The following MOB4 variants were observed in gnomAD, a reference collection of about 807,000 sequenced individuals.
MOB4 encodes MOB-like protein phocein.
In MOB4, 4 loss-of-function variants were observed where a neutral mutation model predicts 32.2. That is an observed-to-expected ratio of 0.12 (90% CI 0.06 to 0.28). MOB4 has a LOEUF of 0.28. Among genes scored for constraint, MOB4 ranks in the 10% least tolerant of loss-of-function variants. The pLI, the probability that MOB4 is intolerant of heterozygous loss-of-function variation, is 1.00. For missense variants in MOB4, 158 were observed against 271.2 expected (o/e 0.58, Z 2.93); for synonymous variants, 88 against 88.1 (o/e 1.00, Z 0.01).
At chr2:197,533,993 T>C in intron 2 of MOB4, 2 of 508,978 alleles carry the variant, frequency 3.9e-6, no homozygotes, top group South Asian at 3.1e-5. Context: ...ATGGCACACA[T>C]ACTTAATATT....
chr2:197,518,700 T>C (rs575119979), intron 1 of MOB4, among the ~76,000 whole-genome samples: 131 of 152,094 alleles, frequency 8.6e-4, no homozygotes, highest in South Asian at 2.5e-3. Context: ...GTAGCTGGGA[T>C]TGCAGGTGCC....
chr2:197,519,461 C>G (rs1039547220), intron 1 of MOB4, among the ~76,000 whole-genome samples: 3 of 152,100 alleles, frequency 2.0e-5, no homozygotes, highest in Admixed American at 6.6e-5. Context: ...TTGCATATAA[C>G]CTATGCACAT....
At chr2:197,525,359 A>G (rs1399181416) in intron 2 of MOB4, among the ~76,000 whole-genome samples, 1 of 152,036 alleles carries the variant, frequency 6.6e-6, no homozygotes, top group Non-Finnish European at 1.5e-5. Flanking sequence ...AAAAAAAAAA[A>G]AAGTAGACAG....
intron 6 of MOB4, among the ~76,000 whole-genome samples, chr2:197,549,874 A>AAAG (rs1481622635): frequency 1.2e-4 from 18 of 151,798 alleles, no homozygotes; most frequent in African/African-American, 4.1e-4. Context: ...AAAAAAAAAA[A>AAAG]AAAAAGAAAA....
intron 1 of MOB4, among the ~76,000 whole-genome samples, chr2:197,522,323 CTTTTTTTTTTTTTTT>C (rs57163165): frequency 1.5e-5 from 1 of 66,438 alleles, no homozygotes; most frequent in Non-Finnish European, 2.5e-5. Flanking sequence ...GGGTGATTAC[CTTTTTTTTTTTTTTT>C]TTTTTTTTTT....
In MOB4 at chr2:197,530,039, G is replaced by A. The variant is rs1257044305; in HGVS notation, c.124-5491G>A. On this transcript the variant is annotated intron_variant, in intron 2 of 7. Coordinates refer to ENST00000323303, the MANE Select transcript of MOB4 (RefSeq NM_015387.5). ...GGCTGGAGTGCAGTGGCGCGATCTC[G>A]CCTCACTGCAATCCCCACCCCCTGG... Among the ~76,000 whole-genome samples the A allele has an allele frequency of 3.4e-5, 5 of 146,750 alleles. No homozygotes were observed. The East Asian group carries it at 8.2e-4, about 24-fold the overall frequency.
At chr2:197,516,488 G>T (rs1559311597) in intron 1 of MOB4, 6 of 923,500 alleles carry the variant, frequency 6.5e-6, no homozygotes, top group Non-Finnish European at 9.1e-6. Context: ...GGAGGGGCGC[G>T]ACCAGCCTGG....
chr2:197,536,968 G>A (rs1231252046), intron 3 of MOB4, among the ~76,000 whole-genome samples: 1 of 151,608 alleles, frequency 6.6e-6, no homozygotes, highest in Non-Finnish European at 1.5e-5. Flanking sequence ...CTGAAATCCT[G>A]GGCTCAAGTG....
chr2:197,538,891 T>G (rs2086848742), intron 3 of MOB4, among the ~76,000 whole-genome samples: 1 of 152,212 alleles, frequency 6.6e-6, no homozygotes, highest in African/African-American at 2.4e-5. Flanking sequence ...ATTTTTGTAA[T>G]CTAAGGACAG....
chr2:197,535,419 A>C, intron 2 of MOB4, 111 bp from the exon 3 acceptor site: 1 of 974,556 alleles, frequency 1.0e-6, no homozygotes, highest in Middle Eastern at 3.5e-4. Context: ...TTTAGTGTAT[A>C]ACCCAAGTTG....
At chr2:197,539,345 G>A (rs2086857682) in intron 3 of MOB4, among the ~76,000 whole-genome samples, 2 of 139,880 alleles carry the variant, frequency 1.4e-5, no homozygotes, top group Non-Finnish European at 3.0e-5. Flanking sequence ...TTGAGATGGA[G>A]CCTTACTCTG....
intron 3 of MOB4, among the ~76,000 whole-genome samples, chr2:197,537,658 A>G (rs867402977): frequency 6.6e-6 from 1 of 152,242 alleles, no homozygotes; most frequent in East Asian, 1.9e-4. Context: ...TGAATGCACA[A>G]TAATTCAAAG....
intron 5 of MOB4, among the ~76,000 whole-genome samples, chr2:197,545,829 T>A (rs969950253): frequency 6.6e-6 from 1 of 152,156 alleles, no homozygotes; most frequent in Non-Finnish European, 1.5e-5. Context: ...TTTGGGATGC[T>A]GAAATGTTCT....
intron 2 of MOB4, among the ~76,000 whole-genome samples, chr2:197,526,596 G>A: frequency 6.6e-6 from 1 of 152,204 alleles, no homozygotes. Flanking sequence ...GATTACAGGT[G>A]TGAGCCGTCA....
chr2:197,540,195 A>ATT, intron 4 of MOB4, 42 bp downstream of exon 4: 2 of 1,580,702 alleles, frequency 1.3e-6, no homozygotes, highest in South Asian at 1.2e-5. Context: ...GAAAGTTCTG[A>ATT]TTTTTTTTTC....
chr2:197,549,997 T>A (rs1438124309), intron 6 of MOB4, among the ~76,000 whole-genome samples: 2 of 152,154 alleles, frequency 1.3e-5, no homozygotes, highest in Non-Finnish European at 2.9e-5. Context: ...TTATAGTAAA[T>A]TTTGAAATGT....
intron 2 of MOB4, chr2:197,533,766 G>C: frequency 2.4e-6 from 1 of 421,202 alleles, no homozygotes; most frequent in Non-Finnish European, 4.6e-6. Context: ...CCCTTTCCCT[G>C]TCATCATGGT....
At chr2:197,548,013 G>T (rs1403140763) in intron 5 of MOB4, among the ~76,000 whole-genome samples, 1 of 152,066 alleles carries the variant, frequency 6.6e-6, no homozygotes, top group Admixed American at 6.6e-5. Flanking sequence ...ATATTGTTTA[G>T]GATATAAGAA....
chr2:197,546,600 G>T (rs904837836), intron 5 of MOB4, among the ~76,000 whole-genome samples: 1 of 151,684 alleles, frequency 6.6e-6, no homozygotes, highest in Non-Finnish European at 1.5e-5. Flanking sequence ...GCATTTCCCT[G>T]TGTTGCCTAG....
Sources: allele counts gnomAD v4.1 joint callset (sites outside exome capture counted in the v4.1 genomes callset), GRCh38; gene constraint gnomAD v4.1.1; transcripts MANE v1.5; gene names NCBI Gene and HGNC (gene_info 2026-07-23, HGNC 2026-07-21).